Variants in CDH13 observed in about 807,000 individuals in gnomAD.
CDH13 encodes the protein cadherin 13.
In CDH13, 24 loss-of-function variants were observed where a neutral mutation model predicts 63.8. That is an observed-to-expected ratio of 0.38 (90% CI 0.27 to 0.53). The LOEUF (loss-of-function observed/expected upper bound fraction) is 0.53. Ranked by LOEUF, CDH13 falls within the 20% of genes least tolerant of loss-of-function variation. The probability of loss-of-function intolerance (pLI) is 0.85; values close to 1 mark genes in which losing one functional copy is unlikely to be tolerated. For synonymous variants in CDH13, 503 were observed against 355.3 expected (o/e 1.42, Z -4.67); for missense variants, 1,049 against 903.1 (o/e 1.16, Z -2.07).
intron 7 of CDH13, among the ~76,000 whole-genome samples, chr16:83,505,403 C>T (rs1168214943): frequency 6.6e-6 from 1 of 152,186 alleles, no homozygotes; most frequent in Non-Finnish European, 1.5e-5. Flanking sequence ...TCCCCCAGGA[C>T]CCTCCCAGCC....
intron 10 of CDH13, among the ~76,000 whole-genome samples, chr16:83,688,893 T>A (rs1362143120): frequency 6.6e-6 from 1 of 152,202 alleles, no homozygotes; most frequent in African/African-American, 2.4e-5. Context: ...AATTAAACTA[T>A]GGGATTTTTA....
intron 1 of CDH13, among the ~76,000 whole-genome samples, chr16:82,795,912 T>C (rs2036558730): frequency 6.6e-6 from 1 of 151,456 alleles, no homozygotes; most frequent in Non-Finnish European, 1.5e-5. Context: ...TCTATTCGCT[T>C]AACACAGTGG....
intron 5 of CDH13, among the ~76,000 whole-genome samples, chr16:83,298,407 C>G (rs1189529816): frequency 6.6e-6 from 1 of 152,114 alleles, no homozygotes; most frequent in East Asian, 1.9e-4. Context: ...CTGTGTAGCC[C>G]TTAGACAATA....
chr16:83,185,905 A>G (rs546456770), intron 4 of CDH13, among the ~76,000 whole-genome samples: 56 of 152,136 alleles, frequency 3.7e-4, no homozygotes, highest in Non-Finnish European at 6.3e-4. Flanking sequence ...GAGAACCTCT[A>G]TGTCTTATCC....
chr16:83,483,122 C>T (rs1424458032), intron 6 of CDH13, among the ~76,000 whole-genome samples: 5 of 152,172 alleles, frequency 3.3e-5, no homozygotes, highest in Non-Finnish European at 5.9e-5. Context: ...GCCACGGTCA[C>T]GCAGCTTGAA....
At chr16:83,709,433 C>A (rs1044189920) in intron 10 of CDH13, among the ~76,000 whole-genome samples, 1 of 152,346 alleles carries the variant, frequency 6.6e-6, no homozygotes, top group Non-Finnish European at 1.5e-5. Context: ...CAGCATTCAT[C>A]CATGCACACC....
At chr16:83,135,595 C>G (rs896392062) in intron 4 of CDH13, among the ~76,000 whole-genome samples, 1 of 152,150 alleles carries the variant, frequency 6.6e-6, no homozygotes, top group African/African-American at 2.4e-5. Flanking sequence ...ATGAGTTAAG[C>G]CACTATGGAA....
intron 2 of CDH13, among the ~76,000 whole-genome samples, chr16:83,000,220 C>CTTTTTTTT (rs1567731430): frequency 1.5e-4 from 5 of 33,946 alleles, no homozygotes; most frequent in African/African-American, 4.1e-4. Context: ...ACAGGTTTAG[C>CTTTTTTTT]TTATTTTTTT....
chr16:83,323,648 C>A (rs1167014114), intron 5 of CDH13, among the ~76,000 whole-genome samples: 1 of 152,132 alleles, frequency 6.6e-6, no homozygotes, highest in Non-Finnish European at 1.5e-5. Flanking sequence ...TAAAGCAAAA[C>A]AAACAACAAA....
chr16:83,249,735 G>A (rs1567538279), intron 5 of CDH13, among the ~76,000 whole-genome samples: 1 of 152,170 alleles, frequency 6.6e-6, no homozygotes, highest in Admixed American at 6.5e-5. Flanking sequence ...CTAAGACAAT[G>A]CTACTGGTAA....
chr16:83,350,956 G>A lies in CDH13; in HGVS notation c.781+5950G>A, dbSNP rs561910939. Among the ~76,000 whole-genome samples the A allele has an allele frequency of 7.9e-5, 12 of 152,296 alleles. 1 individual carries two copies. The East Asian group carries it at 2.3e-3, about 29-fold the overall frequency. On this transcript the variant is annotated intron_variant, in intron 6 of 13. Coordinates refer to ENST00000567109, the MANE Select transcript of CDH13 (RefSeq NM_001257.5). ...CGATCAAGTCGCCTTTGGGACTAAT[G>A]GCTATCCTGAGAGCTCAGCTTTGCT...
chr16:83,615,736 C>A (rs1411558500), intron 8 of CDH13, among the ~76,000 whole-genome samples: 1 of 152,208 alleles, frequency 6.6e-6, no homozygotes, highest in Admixed American at 6.5e-5. Context: ...AGTGCCATCA[C>A]TCATGATTAC....
chr16:83,092,464 A>G (rs192237499), intron 3 of CDH13, among the ~76,000 whole-genome samples: 1 of 152,346 alleles, frequency 6.6e-6, no homozygotes, highest in Non-Finnish European at 1.5e-5. Flanking sequence ...TTCATCTGGA[A>G]CTGTCTAACT....
chr16:82,732,780 T>G (rs2033470649), intron 1 of CDH13, among the ~76,000 whole-genome samples: 1 of 152,210 alleles, frequency 6.6e-6, no homozygotes, highest in Admixed American at 6.5e-5. Context: ...TCAGGAACAC[T>G]GAGGATCTGT....
At chr16:83,011,247 G>A (rs1706190556) in intron 2 of CDH13, among the ~76,000 whole-genome samples, 1 of 152,236 alleles carries the variant, frequency 6.6e-6, no homozygotes, top group African/African-American at 2.4e-5. Flanking sequence ...CCTCTATTAA[G>A]TGGAGAAATA....
chr16:83,568,889 G>A (rs181389560), intron 7 of CDH13, among the ~76,000 whole-genome samples: 79 of 152,092 alleles, frequency 5.2e-4, no homozygotes, highest in African/African-American at 1.6e-3. Flanking sequence ...CTGGACCATT[G>A]CAGAGTCTCA....
At chr16:83,155,841 T>C (rs2037185139) in intron 4 of CDH13, among the ~76,000 whole-genome samples, 1 of 152,134 alleles carries the variant, frequency 6.6e-6, no homozygotes, top group Non-Finnish European at 1.5e-5. Flanking sequence ...AAACAGGAGT[T>C]CTCAAACCTT....
intron 2 of CDH13, among the ~76,000 whole-genome samples, chr16:82,929,761 C>T (rs1032716469): frequency 6.6e-6 from 1 of 150,532 alleles, no homozygotes; most frequent in Non-Finnish European, 1.5e-5. Flanking sequence ...TGTACTTCCA[C>T]CTCCAGAGCT....
intron 5 of CDH13, among the ~76,000 whole-genome samples, chr16:83,292,136 GT>G (rs1366427561): frequency 6.6e-6 from 1 of 152,160 alleles, no homozygotes; most frequent in Non-Finnish European, 1.5e-5. Flanking sequence ...AATGCAGTTA[GT>G]TTCTGTTCAG....
Sources: allele counts gnomAD v4.1 joint callset (sites outside exome capture counted in the v4.1 genomes callset), GRCh38; gene constraint gnomAD v4.1.1; transcripts MANE v1.5; gene names NCBI Gene and HGNC (gene_info 2026-07-23, HGNC 2026-07-21).